TYW1: variants seen among roughly 807,000 people sequenced by gnomAD.
TYW1 encodes the protein S-adenosyl-L-methionine-dependent tRNA 4-demethylwyosine synthase TYW1.
TYW1 carries 46 observed loss-of-function variants against 96.2 expected under a neutral mutation model. The ratio of observed to expected loss-of-function variants is 0.48; its 90% CI spans 0.38 to 0.61. TYW1 has a LOEUF of 0.61. Ranked by LOEUF, TYW1 falls within the 20% of genes least tolerant of loss-of-function variation. The probability of loss-of-function intolerance (pLI) is 0.00; values close to 1 mark genes in which losing one functional copy is unlikely to be tolerated. For missense variants in TYW1, 684 were observed against 909.6 expected (o/e 0.75, Z 3.19); for synonymous variants, 274 against 323.0 (o/e 0.85, Z 1.63).
rs1217783254 is a variant in TYW1 at position 67,156,864 on chromosome 7, TC to T, written c.1699-26260del. ...TTAGTCATGTGGATTCCAGAAAGCC[TC>T]CTGTACCAGGCTTAGGGCTTGTGAG... On this transcript the variant is annotated intron_variant, in intron 13 of 15. Transcript: ENST00000359626. Among the ~76,000 whole-genome samples, 4 of 151,454 alleles carry T rather than the reference TC, an allele frequency of 2.6e-5. No individual in the cohort carries two copies. The South Asian group carries it at 6.3e-4, about 24-fold the overall frequency.
chr7:67,193,619 C>T (rs995257950), intron 14 of TYW1, among the ~76,000 whole-genome samples: 16 of 152,090 alleles, frequency 1.1e-4, no homozygotes, highest in African/African-American at 2.2e-4. Context: ...ATTAGCTGGG[C>T]GTGGTGGCAC....
chr7:67,231,839 T>C (rs1483478618), intron 15 of TYW1, among the ~76,000 whole-genome samples: 5 of 138,666 alleles, frequency 3.6e-5, no homozygotes, highest in Admixed American at 1.5e-4. Flanking sequence ...AATGAATATA[T>C]CCTCTCTTCT....
chr7:67,182,440 T>C (rs1799870949), intron 13 of TYW1, among the ~76,000 whole-genome samples: 1 of 152,134 alleles, frequency 6.6e-6, no homozygotes, highest in Non-Finnish European at 1.5e-5. Flanking sequence ...GACGTGTGCC[T>C]ATAGTCCCAG....
intron 15 of TYW1, among the ~76,000 whole-genome samples, chr7:67,214,309 A>G (rs1243597586): frequency 6.6e-6 from 1 of 152,126 alleles, no homozygotes; most frequent in African/African-American, 2.4e-5. Flanking sequence ...TTGCTAGTAT[A>G]TAGGAAAGCA....
At chr7:67,143,639 T>A in intron 13 of TYW1, among the ~76,000 whole-genome samples, 2 of 152,060 alleles carry the variant, frequency 1.3e-5, no homozygotes, top group Non-Finnish European at 2.9e-5. Flanking sequence ...TGGGGTCAGA[T>A]GGGGAGTGGA....
intron 15 of TYW1, among the ~76,000 whole-genome samples, chr7:67,215,662 A>G (rs1584706640): frequency 6.6e-6 from 1 of 152,006 alleles, no homozygotes; most frequent in African/African-American, 2.4e-5. Flanking sequence ...GATAGAACTA[A>G]TAGGGGAGTT....
intron 13 of TYW1, among the ~76,000 whole-genome samples, chr7:67,125,626 C>A (rs1797891563): frequency 6.6e-6 from 1 of 152,106 alleles, no homozygotes; most frequent in Non-Finnish European, 1.5e-5. Flanking sequence ...GGTTGTACAT[C>A]TGTGGGTGTG....
intron 15 of TYW1, among the ~76,000 whole-genome samples, chr7:67,231,950 T>C (rs34355919): frequency 0.27 from 40,726 of 151,992 alleles, 5,829 homozygotes; most frequent in African/African-American, 0.36. Context: ...ATCTTTTTTG[T>C]CAGGTGCAGT....
At chr7:67,205,385 G>GT (rs1800754697) in intron 15 of TYW1, among the ~76,000 whole-genome samples, 1 of 147,848 alleles carries the variant, frequency 6.8e-6, no homozygotes, top group East Asian at 2.0e-4. Context: ...TAGGATGGAG[G>GT]CGGGGGGGGG....
chr7:67,102,965 A>C (rs949758019), intron 12 of TYW1, among the ~76,000 whole-genome samples: 4 of 152,182 alleles, frequency 2.6e-5, no homozygotes, highest in Non-Finnish European at 5.9e-5. Context: ...TTGGATTTTT[A>C]AAGCATCCTT....
chr7:67,225,724 G>T (rs1318186479), intron 15 of TYW1, among the ~76,000 whole-genome samples: 1 of 141,514 alleles, frequency 7.1e-6, no homozygotes, highest in Non-Finnish European at 1.5e-5. Flanking sequence ...ACTGCTCAGA[G>T]GATTTAGCTC....
chr7:67,015,043 C>A (rs1301464663), intron 5 of TYW1, among the ~76,000 whole-genome samples: 1 of 151,632 alleles, frequency 6.6e-6, no homozygotes, highest in East Asian at 1.9e-4. Context: ...TGCTCTAATC[C>A]CCAGCTGGAG....
intron 15 of TYW1, among the ~76,000 whole-genome samples, chr7:67,228,691 A>G (rs575437212): frequency 4.2e-4 from 64 of 152,132 alleles, no homozygotes; most frequent in South Asian, 1.0e-3. Flanking sequence ...TCTTATTTCA[A>G]CTCTTGAATG....
At chr7:67,109,651 C>G (rs112801407) in intron 12 of TYW1, among the ~76,000 whole-genome samples, 1 of 152,056 alleles carries the variant, frequency 6.6e-6, no homozygotes, top group African/African-American at 2.4e-5. Flanking sequence ...GAGGCTGAGG[C>G]GGGCGGATCA....
Position 67,227,266 on chromosome 7 carries a change from A to T in TYW1, c.1978-11042A>T, listed in dbSNP as rs112806115. On this transcript the variant is annotated intron_variant, in intron 15 of 15. Coordinates refer to ENST00000359626, the MANE Select transcript of TYW1 (RefSeq NM_018264.4). ...CACCAGATATTCTATTATTATTATT[A>T]TTTTTTTGAGATGGGCGTCTCACTC... Among the ~76,000 whole-genome samples, 699 of 83,236 alleles carry T rather than the reference A, an allele frequency of 8.4e-3. 2 individuals are homozygous for T. The highest frequency in any genetic ancestry group is 0.037 in the African/African-American group (672 of 18,194). The allele number at this position is 83,236 out of a possible 152,430, so 54.6% of individuals were successfully genotyped here.
chr7:67,105,971 C>A (rs1009659128), intron 12 of TYW1, among the ~76,000 whole-genome samples: 15 of 142,856 alleles, frequency 1.1e-4, no homozygotes, highest in African/African-American at 3.9e-4. Context: ...GATCTCGGCT[C>A]ACCACAACCT....
intron 6 of TYW1, among the ~76,000 whole-genome samples, chr7:67,022,520 G>T (rs1472171953): frequency 6.6e-6 from 1 of 152,180 alleles, no homozygotes; most frequent in Non-Finnish European, 1.5e-5. Context: ...GGAACTTCTT[G>T]CAATTCTAGG....
intron 13 of TYW1, among the ~76,000 whole-genome samples, chr7:67,168,319 T>C (rs1799415217): frequency 6.6e-6 from 1 of 152,184 alleles, no homozygotes; most frequent in African/African-American, 2.4e-5. Flanking sequence ...TGTATACTAA[T>C]ATTTAAAAGA....
At chr7:67,006,660 G>A (rs1236922418) in intron 3 of TYW1, among the ~76,000 whole-genome samples, 4 of 151,766 alleles carry the variant, frequency 2.6e-5, no homozygotes, top group Non-Finnish European at 4.4e-5. Context: ...GGCTGGTCTC[G>A]ATCTCCTGAC....
Sources: allele counts gnomAD v4.1 joint callset (sites outside exome capture counted in the v4.1 genomes callset), GRCh38; gene constraint gnomAD v4.1.1; transcripts MANE v1.5; gene names NCBI Gene and HGNC (gene_info 2026-07-23, HGNC 2026-07-21).